The following MEGF6 variants were observed in gnomAD, a reference collection of about 807,000 sequenced individuals.
MEGF6 encodes multiple epidermal growth factor-like domains protein 6.
Under a neutral mutation model 207.1 loss-of-function variants are expected in MEGF6, and 184 were observed. The ratio of observed to expected loss-of-function variants is 0.89; its 90% CI spans 0.79 to 1.00. The LOEUF is 1.00. Among genes scored for constraint, MEGF6 ranks in the 50% least tolerant of loss-of-function variants. MEGF6 has a pLI of 0.00. For synonymous variants in MEGF6, 1,038 were observed against 910.0 expected, an observed-to-expected ratio of 1.14 and a Z score of -2.53; for missense variants, 2,282 against 2,202.9, an observed-to-expected ratio of 1.04 and a Z score of -0.72.
At chr1:3,544,644 C>CG (rs1326081122) in intron 4 of MEGF6, among the ~76,000 whole-genome samples, 3 of 152,126 alleles carry the variant, frequency 2.0e-5, no homozygotes, top group Admixed American at 6.5e-5. Context: ...CAGGCAGCCC[C>CG]CAGCAGGGTC....
chr1:3,552,183 C>T (rs1278841457), intron 4 of MEGF6, among the ~76,000 whole-genome samples: 1 of 152,248 alleles, frequency 6.6e-6, no homozygotes. Context: ...GCCCGAGCCC[C>T]AGGCACAGAA....
Position 3,508,878 on chromosome 1 carries a change from C to T in MEGF6, c.1529-189G>A, listed in dbSNP as rs535823160. Among the ~76,000 whole-genome samples, 4 of 152,308 alleles carry T rather than the reference C, an allele frequency of 2.6e-5. No homozygotes were observed. The South Asian group carries it at 6.2e-4, about 24-fold the overall frequency. ...AGCCCTAACCTGGAAGCTGTGAGCCCGGTCCCGCCCGGCTCAGCCCGCACG... is the reference window on the plus strand; with the variant it reads ...AGCCCTAACCTGGAAGCTGTGAGCCTGGTCCCGCCCGGCTCAGCCCGCACG... On this transcript the variant is annotated intron_variant, in intron 12 of 36. Coordinates refer to ENST00000356575, the MANE Select transcript of MEGF6 (RefSeq NM_001409.4).
At chr1:3,608,555 T>C (rs142879455) in intron 1 of MEGF6, among the ~76,000 whole-genome samples, 59 of 152,270 alleles carry the variant, frequency 3.9e-4, no homozygotes, top group African/African-American at 1.3e-3. Flanking sequence ...ATCATATCAT[T>C]AGCTGATTCC....
At chr1:3,498,660 T>A (rs1295624836) in intron 25 of MEGF6, 38 bp downstream of exon 25, 8 of 1,527,018 alleles carry the variant, frequency 5.2e-6, no homozygotes, top group Non-Finnish European at 7.0e-6. Context: ...GCACCAAGCA[T>A]GCTGGGGTAT....
At chr1:3,504,413 A>C (rs1641027443) in intron 17 of MEGF6, among the ~76,000 whole-genome samples, 1 of 151,888 alleles carries the variant, frequency 6.6e-6, no homozygotes, top group Non-Finnish European at 1.5e-5. Context: ...CTGAGGAGTG[A>C]CCATCCCGCT....
rs766574805 is a variant in MEGF6 at position 3,497,132 on chromosome 1, A to G, written c.3482-13T>C. On this transcript the variant is annotated splice_polypyrimidine_tract_variant and intron_variant, in intron 27 of 36. Coordinates refer to ENST00000356575, the MANE Select transcript of MEGF6 (RefSeq NM_001409.4). ...CCGGGTGGGCAGGCTGGGTGGAGACAGGCAGGGTCGGTCCTGGCCCAGCCC... is the reference window on the plus strand; with the variant it reads ...CCGGGTGGGCAGGCTGGGTGGAGACGGGCAGGGTCGGTCCTGGCCCAGCCC... 1 of 1,569,100 alleles carries G rather than the reference A, an allele frequency of 6.4e-7. No homozygotes were observed. Among genetic ancestry groups the G allele is most frequent in the Non-Finnish European group, 8.7e-7 (1 of 1,154,842 alleles).
the MEGF6 span, among the ~76,000 whole-genome samples, chr1:3,616,994 G>C: frequency 6.6e-6 from 1 of 152,198 alleles, no homozygotes; most frequent in African/African-American, 2.4e-5. Flanking sequence ...CTATTGTTCT[G>C]AGGACCAGAC....
At chr1:3,540,671 G>A (rs1299476986) in intron 4 of MEGF6, among the ~76,000 whole-genome samples, 8 of 152,216 alleles carry the variant, frequency 5.3e-5, no homozygotes, top group African/African-American at 1.2e-4. Flanking sequence ...ATCCAGGCAC[G>A]GCAGACCAGC....
intron 4 of MEGF6, among the ~76,000 whole-genome samples, chr1:3,538,527 CA>C (rs1223293647): frequency 6.6e-6 from 1 of 152,212 alleles, no homozygotes; most frequent in African/African-American, 2.4e-5. Flanking sequence ...CAGGCAGAAA[CA>C]GGGGGGAGCC....
Position 3,594,765 on chromosome 1 carries a change from C to T in MEGF6, c.376+573G>A, listed in dbSNP as rs1397136500. On this transcript the variant is annotated intron_variant, in intron 3 of 36. Transcript: ENST00000356575. The surrounding 1 kb of genome is among the most constrained non-coding windows in gnomAD (Gnocchi z 4.2). ...AGACCACCCAATTCCAGTCCTGGGC[C>T]CCCATCTCTGAGCCCCAGCACATCA... Among the ~76,000 whole-genome samples the T allele has an allele frequency of 6.6e-6, 1 of 152,224 alleles. No individual in the cohort carries two copies. Among genetic ancestry groups the T allele is most frequent in the Non-Finnish European group, 1.5e-5 (1 of 68,042 alleles).
intron 4 of MEGF6, among the ~76,000 whole-genome samples, chr1:3,532,789 C>T (rs551718722): frequency 3.9e-5 from 6 of 152,316 alleles, no homozygotes; most frequent in East Asian, 1.9e-4. Flanking sequence ...AGCATAGCCA[C>T]GGGTAGAGCT....
chr1:3,500,780 G>A lies in MEGF6; in HGVS notation c.2576-16C>T. On this transcript the variant is annotated splice_polypyrimidine_tract_variant and intron_variant, in intron 20 of 36. Transcript: ENST00000356575. ...GTATCACAGGCTGCAACAGAACTCA[G>A]GGTCACCCGGCGCAGGCCCAAGCGC... 2 of 1,603,902 alleles carry A rather than the reference G, an allele frequency of 1.2e-6. No individual in the cohort carries two copies. The highest frequency in any genetic ancestry group is 8.5e-7 in the Non-Finnish European group (1 of 1,175,292).
rs530341471 is a variant in MEGF6 at position 3,510,007 on chromosome 1, G to A, written c.1235-15C>T. Reference sequence around the variant, plus strand: ...CTCATCCACATCTGCGGGCGACCCGGGACCACTGAGGCCTGTGCTCCCAGG... The same window carrying A: ...CTCATCCACATCTGCGGGCGACCCGAGACCACTGAGGCCTGTGCTCCCAGG... On this transcript the variant is annotated splice_polypyrimidine_tract_variant and intron_variant, in intron 10 of 36. Coordinates refer to ENST00000356575, the MANE Select transcript of MEGF6 (RefSeq NM_001409.4). The A allele has an allele frequency of 3.8e-6, 6 of 1,578,354 alleles. No individual in the cohort carries two copies. The South Asian group carries it at 4.6e-5, about 12-fold the overall frequency.
rs7530145 is a variant in MEGF6 at position 3,550,627 on chromosome 1, G to A, written c.482-26381C>T. On this transcript the variant is annotated intron_variant, in intron 4 of 36. Transcript: ENST00000356575. ...AGTTTTGATACAGAAAGAAGCGGTC[G>A]TGCCCAGGCCTCCGGGGTGCTCCGT... Among the ~76,000 whole-genome samples the A allele has an allele frequency of 4.8e-3, 732 of 152,364 alleles. 8 individuals are homozygous for A. The highest frequency in any genetic ancestry group is 0.017 in the African/African-American group (709 of 41,586).
chr1:3,494,418 C>A lies in MEGF6; in HGVS notation c.4082G>T (p.Gly1361Val). The change falls in exon 32 of 37, where the codon GGC becomes GTC. Residue 1361 changes from glycine (G) to valine (V), a missense_variant. Transcript: ENST00000356575. ...GAAGCCGGGGCCGCAGCGGCAGGTG[C>A]CCGTGGCAGGCTCACACGTGCTGTT... ...HNNSTCEPAT[G>V]TCRCGPGFYG... 1 of 1,548,002 alleles carries A rather than the reference C, an allele frequency of 6.5e-7. No homozygotes were observed.
At chr1:3,521,789 C>T (rs1002676217) in intron 5 of MEGF6, among the ~76,000 whole-genome samples, 4 of 152,204 alleles carry the variant, frequency 2.6e-5, no homozygotes, top group East Asian at 1.9e-4. Flanking sequence ...GTATCCCCCA[C>T]GCACAGCTCG....
intron 17 of MEGF6, among the ~76,000 whole-genome samples, chr1:3,503,020 A>G (rs1170246576): frequency 1.3e-5 from 2 of 152,180 alleles, no homozygotes; most frequent in African/African-American, 4.8e-5. Flanking sequence ...GCTGCATGCC[A>G]AAGATCCACA....
chr1:3,589,668 G>A (rs1209201373), intron 3 of MEGF6, among the ~76,000 whole-genome samples: 2 of 152,222 alleles, frequency 1.3e-5, no homozygotes, highest in Non-Finnish European at 2.9e-5. Context: ...CAGGGCAGGT[G>A]CAGGTTTCTG....
rs1056069669 is a variant in MEGF6 at position 3,560,792 on chromosome 1, C to T, written c.481+19033G>A. The T allele has an allele frequency of 4.2e-6, 2 of 472,170 alleles. No homozygotes were observed. The highest frequency in any genetic ancestry group is 4.0e-5 in the African/African-American group (2 of 50,096). 29.2% of individuals were successfully genotyped at this position (472,170 alleles called of 1,614,324 possible). On this transcript the variant is annotated intron_variant, in intron 4 of 36. Transcript: ENST00000356575. The surrounding 1 kb of genome is among the most constrained non-coding windows in gnomAD (Gnocchi z 4.0). ...TTCCAGGGTCACCCGGCAGTCCCCT[C>T]TGGCAGCCACCGGAGCAGCCAGGAA...
Sources: allele counts gnomAD v4.1 joint callset (sites outside exome capture counted in the v4.1 genomes callset), GRCh38; gene constraint gnomAD v4.1.1; non-coding constraint Gnocchi (gnomAD v3.1); transcripts MANE v1.5; gene names NCBI Gene and HGNC (gene_info 2026-07-23, HGNC 2026-07-21).